ALDH18A1: variants seen among roughly 807,000 people sequenced by gnomAD.
ALDH18A1 encodes delta-1-pyrroline-5-carboxylate synthase.
In ALDH18A1, 44 loss-of-function variants were observed where a neutral mutation model predicts 88.8. The observed-to-expected ratio is 0.50, with a 90% CI of 0.39 to 0.64. The LOEUF is 0.64. ALDH18A1 is among the 30% of genes least tolerant of loss of function. The probability of loss-of-function intolerance (pLI) is 0.00; values close to 1 mark genes in which losing one functional copy is unlikely to be tolerated. For missense variants in ALDH18A1, 782 were observed against 1,009.5 expected (o/e 0.77, Z 3.05); for synonymous variants, 331 against 372.1 (o/e 0.89, Z 1.27).
intron 10 of ALDH18A1, among the ~76,000 whole-genome samples, chr10:95,626,502 G>A (rs1445795126): frequency 7.9e-5 from 12 of 151,926 alleles, no homozygotes; most frequent in Non-Finnish European, 1.8e-4. Flanking sequence ...AAGTTATCTT[G>A]GACCTCTGTC....
At chr10:95,653,468 C>G (rs2097913528) in intron 1 of ALDH18A1, 63 bp from the exon 2 acceptor site, 6 of 1,365,358 alleles carry the variant, frequency 4.4e-6, no homozygotes, top group African/African-American at 1.4e-5. Context: ...TTTTATTTCC[C>G]TCTACTTCCC....
chr10:95,616,775 T>A, intron 12 of ALDH18A1, 161 bp from the exon 13 acceptor site: 1 of 965,258 alleles, frequency 1.0e-6, no homozygotes, highest in Non-Finnish European at 1.6e-6. Flanking sequence ...ATTAAGTGCC[T>A]GTTTTATCCC....
At chr10:95,653,268 A>G (rs765882475) in intron 2 of ALDH18A1, 22 bp downstream of exon 2, 100 of 1,584,248 alleles carry the variant, frequency 6.3e-5, no homozygotes, top group Non-Finnish European at 8.1e-5. Flanking sequence ...CCACATACTC[A>G]TAAGTTTTCT....
chr10:95,610,807 G>A (rs866707572), intron 16 of ALDH18A1, among the ~76,000 whole-genome samples: 1 of 152,158 alleles, frequency 6.6e-6, no homozygotes, highest in Admixed American at 6.5e-5. Context: ...TTAGCTGACT[G>A]TAAATTCCTC....
At position 95,606,241 on chromosome 10, in the gene ALDH18A1, T is replaced by G; in HGVS notation, c.*521A>C. ...CACAAATAAATACAAAAGGTCAATCTTCCCAGTGGAAATGATTCCATCGAT... is the reference window on the plus strand; with the variant it reads ...CACAAATAAATACAAAAGGTCAATCGTCCCAGTGGAAATGATTCCATCGAT... On this transcript the variant is annotated 3_prime_UTR_variant, in exon 18 of 18. Coordinates refer to ENST00000371224, the MANE Select transcript of ALDH18A1 (RefSeq NM_002860.4). 1 of 994,532 alleles carries G rather than the reference T, an allele frequency of 1.0e-6. No homozygotes were observed. Among genetic ancestry groups the G allele is most frequent in the Non-Finnish European group, 1.2e-6 (1 of 834,866 alleles). The allele number at this position is 994,532 out of a possible 1,614,324, so 61.6% of individuals were successfully genotyped here. A position where few individuals can be genotyped will look rare whatever the true frequency, so the allele number is the denominator to read the frequency against.
At chr10:95,621,318 G>GTT (rs1348356141) in intron 11 of ALDH18A1, 67 bp from the exon 12 acceptor site, 44 of 999,204 alleles carry the variant, frequency 4.4e-5, no homozygotes, top group African/African-American at 1.0e-4. Flanking sequence ...CAACCGATGT[G>GTT]TCTTTTTTTT....
At chr10:95,627,000 T>C (rs2097861375) in intron 9 of ALDH18A1, among the ~76,000 whole-genome samples, 1 of 152,216 alleles carries the variant, frequency 6.6e-6, no homozygotes, top group African/African-American at 2.4e-5. Context: ...CTTGCCTGTA[T>C]TTCTGGGGCA....
chr10:95,621,725 C>G (rs1393955635), intron 11 of ALDH18A1, among the ~76,000 whole-genome samples: 2 of 152,094 alleles, frequency 1.3e-5, no homozygotes, highest in Non-Finnish European at 2.9e-5. Flanking sequence ...TTTGGTAGTA[C>G]ATAGCATCAT....
In ALDH18A1 at chr10:95,606,342, AGAT is replaced by A. The variant is rs2097822664; in HGVS notation, c.*417_*419del. Reference sequence around the variant, plus strand: ...AAAATTCCAAATCTTTCCTTTTTGAAGATGACTACATGTGAAAGAAATAAAATG... The same window carrying A: ...AAAATTCCAAATCTTTCCTTTTTGAAGACTACATGTGAAAGAAATAAAATG... On this transcript the variant is annotated 3_prime_UTR_variant, in exon 18 of 18. Coordinates refer to ENST00000371224, the MANE Select transcript of ALDH18A1 (RefSeq NM_002860.4). 1 of 1,001,848 alleles carries A rather than the reference AGAT, an allele frequency of 1.0e-6. No individual in the cohort carries two copies. Among genetic ancestry groups the A allele is most frequent in the East Asian group, 1.0e-4 (1 of 9,890 alleles). 62.1% of individuals were successfully genotyped at this position (1,001,848 alleles called of 1,614,324 possible).
At chr10:95,631,324 A>G (rs952827207) in intron 7 of ALDH18A1, among the ~76,000 whole-genome samples, 5 of 152,174 alleles carry the variant, frequency 3.3e-5, no homozygotes, top group Admixed American at 1.3e-4. Context: ...CCAACAAAGG[A>G]AAAACAAAAA....
intron 11 of ALDH18A1, among the ~76,000 whole-genome samples, chr10:95,625,004 T>G (rs1265912006): frequency 6.6e-6 from 1 of 152,220 alleles, no homozygotes; most frequent in Non-Finnish European, 1.5e-5. Context: ...ACATCCTGAC[T>G]GCATAGCCAT....
intron 3 of ALDH18A1, among the ~76,000 whole-genome samples, chr10:95,638,569 A>C (rs1332427669): frequency 6.6e-6 from 1 of 152,182 alleles, no homozygotes; most frequent in African/African-American, 2.4e-5. Context: ...CAGACTCAGT[A>C]GATGGCTTCT....
chr10:95,606,304 T>C lies in ALDH18A1; in HGVS notation c.*458A>G, dbSNP rs565726254. The C allele has an allele frequency of 2.0e-6, 2 of 1,002,242 alleles. No individual in the cohort carries two copies. The highest frequency in any genetic ancestry group is 1.0e-4 in the East Asian group (1 of 9,988). The allele number at this position is 1,002,242 out of a possible 1,614,324, so 62.1% of individuals were successfully genotyped here. The stretch of plus-strand genomic sequence containing the variant: ...CTGATGAGAATGCTAAAAAGAAGAG[T>C]TGCCCCTTTTCTAAAATTCCAAATC... On this transcript the variant is annotated 3_prime_UTR_variant, in exon 18 of 18. Transcript: ENST00000371224.
At chr10:95,653,501 G>T in intron 1 of ALDH18A1, 96 bp from the exon 2 acceptor site, 1 of 1,033,008 alleles carries the variant, frequency 9.7e-7, no homozygotes, top group Non-Finnish European at 1.5e-6. Context: ...GTAAAAATCT[G>T]ACTCTCCTGC....
chr10:95,622,141 A>G (rs1589505364), intron 11 of ALDH18A1, among the ~76,000 whole-genome samples: 1 of 152,224 alleles, frequency 6.6e-6, no homozygotes, highest in East Asian at 1.9e-4. Context: ...GTTTTCTTCT[A>G]AAATAAAATG....
At position 95,625,396 on chromosome 10, in the gene ALDH18A1, C is replaced by T; in HGVS notation, c.1212G>A (p.Leu404=). ...DLLTDQRDEI[L]LANKKDLEEA... is the part of the protein sequence containing the mutation. ...CCTCCAAGTCTTTTTTGTTGGCTAACAGGATCTCATCACGCTGGTCCGTCA... is the reference window on the plus strand; with the variant it reads ...CCTCCAAGTCTTTTTTGTTGGCTAATAGGATCTCATCACGCTGGTCCGTCA... The change falls in exon 11 of 18, where the codon CTG becomes CTA. Residue 404 remains leucine, a synonymous_variant. Coordinates refer to ENST00000371224, the MANE Select transcript of ALDH18A1 (RefSeq NM_002860.4). 6.2e-7 allele frequency: 1 copy of T among 1,614,090 alleles called. No homozygotes were observed. Among genetic ancestry groups the T allele is most frequent in the Non-Finnish European group, 8.5e-7 (1 of 1,179,998 alleles).
rs1346763871 is a variant in ALDH18A1 at position 95,627,505 on chromosome 10, C to A, written c.1015G>T (p.Val339Phe). The change falls in exon 9 of 18, where the codon GTC becomes TTC. Residue 339 changes from valine to phenylalanine, a missense_variant. Val to Phe is a conservative substitution (Grantham distance 50, BLOSUM62 -1). Coordinates refer to ENST00000371224, the MANE Select transcript of ALDH18A1 (RefSeq NM_002860.4). ...NGTHPKVSGH[V>F]ITDIVEGKKV... is the part of the protein sequence containing the mutation. ...TTCCCCTCCACAATGTCTGTGATGACGTGCCCAGACACCTTTGGGTGGGTT... is the reference window on the plus strand; with the variant it reads ...TTCCCCTCCACAATGTCTGTGATGAAGTGCCCAGACACCTTTGGGTGGGTT... The A allele has an allele frequency of 1.2e-6, 2 of 1,614,142 alleles. No homozygotes were observed. The highest frequency in any genetic ancestry group is 1.1e-5 in the South Asian group (1 of 91,090).
chr10:95,622,052 C>T (rs1354451260), intron 11 of ALDH18A1, among the ~76,000 whole-genome samples: 2 of 152,030 alleles, frequency 1.3e-5, no homozygotes, highest in African/African-American at 4.8e-5. Flanking sequence ...ATCTGGAACG[C>T]ATCCAGAATA....
rs75340463 is a variant in ALDH18A1 at position 95,610,900 on chromosome 10, T to A, written c.2110+356A>T. ...TGTCCCTGCATACATATTTGTGGAA[T>A]AAATGAATGAATGAATGAATGTGCA... On this transcript the variant is annotated intron_variant, in intron 16 of 17. Transcript: ENST00000371224. Among the ~76,000 whole-genome samples the A allele has an allele frequency of 1.1e-3, 163 of 152,342 alleles. 2 individuals carry two copies. The East Asian group carries it at 0.027, about 25-fold the overall frequency.
Sources: allele counts gnomAD v4.1 joint callset (sites outside exome capture counted in the v4.1 genomes callset), GRCh38; gene constraint gnomAD v4.1.1; transcripts MANE v1.5; gene names NCBI Gene and HGNC (gene_info 2026-07-23, HGNC 2026-07-21).